The following NOX4 variants were observed in gnomAD, a reference collection of about 807,000 sequenced individuals.
NOX4 encodes NADPH oxidase 4.
A neutral mutation model predicts 87.6 loss-of-function variants in NOX4; 69 were observed. The observed-to-expected ratio is 0.79, with a 90% confidence interval of 0.65 to 0.96. The LOEUF (loss-of-function observed/expected upper bound fraction) is 0.96. NOX4 is among the 40% of genes least tolerant of loss of function. The probability of loss-of-function intolerance (pLI) is 0.00; values close to 1 mark genes in which losing one functional copy is unlikely to be tolerated. For missense variants in NOX4, 680 were observed against 681.5 expected (o/e 1.00, Z 0.02); for synonymous variants, 275 against 238.2 (o/e 1.15, Z -1.42).
intron 2 of NOX4, among the ~76,000 whole-genome samples, chr11:89,476,557 AATGCT>A (rs1458234702): frequency 6.6e-5 from 10 of 152,192 alleles, no homozygotes; most frequent in Non-Finnish European, 1.2e-4. Context: ...TAACTAAAAA[AATGCT>A]ATTTTTTAAA....
At position 89,330,592 on chromosome 11, in the gene NOX4, G is replaced by T. The variant is rs1023832697; in HGVS notation, c.1617-3716C>A. 2.8e-5 allele frequency among the ~76,000 whole-genome samples: 4 copies of T among 143,766 alleles called. No homozygotes were observed. The South Asian group carries it at 8.7e-4, about 31-fold the overall frequency. 94.3% of individuals were successfully genotyped at this position (143,766 alleles called of 152,430 possible). On this transcript the variant is annotated intron_variant, in intron 17 of 17. Transcript: ENST00000263317. ...AATTGATGCTGGTCCAAGGAATCCA[G>T]TTCAGGAACCAACAACCTAAAGCAA...
intron 6 of NOX4, among the ~76,000 whole-genome samples, 198 bp downstream of exon 6, chr11:89,440,490 A>G (rs1319710665): frequency 1.3e-5 from 2 of 151,630 alleles, no homozygotes; most frequent in African/African-American, 4.8e-5. Flanking sequence ...TGCCCGGCTA[A>G]TTTTTTGTGT....
chr11:89,457,649 A>T (rs1483402288), intron 2 of NOX4, among the ~76,000 whole-genome samples: 2 of 152,190 alleles, frequency 1.3e-5, no homozygotes, highest in African/African-American at 2.4e-5. Context: ...AGTCTACTGA[A>T]CCTACCTCAA....
intron 12 of NOX4, 117 bp downstream of exon 12, chr11:89,373,315 A>G: frequency 1.8e-6 from 1 of 548,606 alleles, no homozygotes; most frequent in Non-Finnish European, 3.2e-6. Context: ...AAAACCCAGA[A>G]CAGCTTGAAA....
At chr11:89,459,918 A>C (rs976868967) in intron 2 of NOX4, among the ~76,000 whole-genome samples, 3 of 152,228 alleles carry the variant, frequency 2.0e-5, no homozygotes, top group Non-Finnish European at 4.4e-5. Flanking sequence ...CTATACTACA[A>C]GGCTACAGTA....
chr11:89,431,625 G>T (rs1290005098), intron 7 of NOX4, among the ~76,000 whole-genome samples: 2 of 152,178 alleles, frequency 1.3e-5, no homozygotes, highest in East Asian at 3.9e-4. Flanking sequence ...GGCCATCAGA[G>T]AAATGCAAAT....
chr11:89,338,045 A>G (rs983622164), intron 15 of NOX4, among the ~76,000 whole-genome samples: 5 of 151,624 alleles, frequency 3.3e-5, no homozygotes, highest in African/African-American at 1.2e-4. Flanking sequence ...ATATACCTGC[A>G]AAAATAAATA....
the NOX4 span, among the ~76,000 whole-genome samples, chr11:89,535,437 C>T: frequency 6.6e-6 from 1 of 152,208 alleles, no homozygotes; most frequent in Non-Finnish European, 1.5e-5. Flanking sequence ...AAATAACTGT[C>T]CAAGAAACAG....
At chr11:89,579,457 C>A in the NOX4 span, among the ~76,000 whole-genome samples, 1 of 151,410 alleles carries the variant, frequency 6.6e-6, no homozygotes, top group Admixed American at 6.6e-5. Context: ...TTGCTATGAA[C>A]CTAAAACTGC....
chr11:89,557,357 GA>G, the NOX4 span, among the ~76,000 whole-genome samples: 1 of 152,116 alleles, frequency 6.6e-6, no homozygotes, highest in Non-Finnish European at 1.5e-5. Context: ...AACTACTCCG[GA>G]AAAGGAGAAG....
Position 89,422,180 on chromosome 11 carries a change from C to G in NOX4, c.549-198G>C, listed in dbSNP as rs535125973. 2.7e-4 allele frequency among the ~76,000 whole-genome samples: 41 copies of G among 152,144 alleles called. No homozygotes were observed. The South Asian group carries it at 8.5e-3, about 32-fold the overall frequency. ...ACAAAAATTATGAGTAAGATTTTATCATTTTGTAAGTTCTTTGTATTTCAA... is the reference window on the plus strand; with the variant it reads ...ACAAAAATTATGAGTAAGATTTTATGATTTTGTAAGTTCTTTGTATTTCAA... On this transcript the variant is annotated intron_variant, in intron 7 of 17. Coordinates refer to ENST00000263317, the MANE Select transcript of NOX4 (RefSeq NM_016931.5).
intron 2 of NOX4, among the ~76,000 whole-genome samples, chr11:89,486,987 T>G (rs915575509): frequency 6.6e-6 from 1 of 152,152 alleles, no homozygotes; most frequent in Non-Finnish European, 1.5e-5. Context: ...TTTCCTTTTT[T>G]TAATGTGCTA....
At chr11:89,425,819 T>C (rs984197306) in intron 7 of NOX4, among the ~76,000 whole-genome samples, 1 of 152,140 alleles carries the variant, frequency 6.6e-6, no homozygotes, top group African/African-American at 2.4e-5. Flanking sequence ...GACAGTTTCA[T>C]TTAAGTATAT....
intron 11 of NOX4, among the ~76,000 whole-genome samples, chr11:89,373,881 T>TAATAATA (rs1308156374): frequency 6.6e-6 from 1 of 152,010 alleles, no homozygotes; most frequent in Non-Finnish European, 1.5e-5. Context: ...CTAGATAATA[T>TAATAATA]ATACTTACCC....
chr11:89,405,538 C>T (rs1942118599), intron 8 of NOX4, among the ~76,000 whole-genome samples: 3 of 151,226 alleles, frequency 2.0e-5, no homozygotes. Context: ...GAATAGAGAG[C>T]TCAGATTACT....
chr11:89,581,250 T>C, the NOX4 span, among the ~76,000 whole-genome samples: 1 of 152,166 alleles, frequency 6.6e-6, no homozygotes, highest in Non-Finnish European at 1.5e-5. Context: ...TAAGAGTTTC[T>C]GAGCAAGAGC....
At chr11:89,352,712 A>G (rs915990226) in intron 13 of NOX4, among the ~76,000 whole-genome samples, 18 of 152,338 alleles carry the variant, frequency 1.2e-4, no homozygotes, top group African/African-American at 3.4e-4. Context: ...GCCTGAATAT[A>G]TGATTGAACT....
intron 11 of NOX4, among the ~76,000 whole-genome samples, chr11:89,399,080 G>C (rs1941669126): frequency 1.3e-5 from 2 of 151,784 alleles, no homozygotes; most frequent in African/African-American, 2.4e-5. Context: ...TTTTATATCT[G>C]TGAATTGTCT....
intron 8 of NOX4, among the ~76,000 whole-genome samples, chr11:89,413,583 A>T (rs1942601316): frequency 6.6e-6 from 1 of 152,136 alleles, no homozygotes; most frequent in Non-Finnish European, 1.5e-5. Flanking sequence ...CAGAAAGACA[A>T]ATTTCACACG....
Sources: allele counts gnomAD v4.1 joint callset (sites outside exome capture counted in the v4.1 genomes callset), GRCh38; gene constraint gnomAD v4.1.1; transcripts MANE v1.5; gene names NCBI Gene and HGNC (gene_info 2026-07-23, HGNC 2026-07-21).